OPCML: variants seen among roughly 807,000 people sequenced by gnomAD.
OPCML encodes the protein opioid-binding protein/cell adhesion molecule.
Under a neutral mutation model 37.8 loss-of-function variants are expected in OPCML, and 13 were observed. That is an observed-to-expected ratio of 0.34 (90% CI 0.22 to 0.55). The LOEUF (loss-of-function observed/expected upper bound fraction) is 0.55, where lower values mean the gene tolerates loss of function less well. OPCML is among the 20% of genes least tolerant of loss of function. The pLI is 0.91. For synonymous variants in OPCML, 176 were observed against 168.8 expected, an observed-to-expected ratio of 1.04 and a Z score of -0.33; for missense variants, 341 against 435.6, an observed-to-expected ratio of 0.78 and a Z score of 1.93.
rs560931117 is a variant in OPCML, at chr11:132,435,669, C to T, written c.916+417G>A. 2.8e-4 allele frequency among the ~76,000 whole-genome samples: 43 copies of T among 152,280 alleles called. No homozygotes were observed. The South Asian group carries it at 7.5e-3, about 26-fold the overall frequency. ...CCATTCTTCCCCATGGATGAGAATA[C>T]GAAATGCAAGCAACATGAGAATCAT... On this transcript the variant is annotated intron_variant, in intron 7 of 7. Transcript: ENST00000524381.
intron 4 of OPCML, among the ~76,000 whole-genome samples, chr11:132,478,946 T>A (rs1011213585): frequency 1.3e-5 from 2 of 152,152 alleles, no homozygotes; most frequent in African/African-American, 4.8e-5. Flanking sequence ...TGAACATGTA[T>A]CAAATGTTCA....
At chr11:133,005,429 T>C (rs1565393611) in intron 1 of OPCML, 1 of 985,274 alleles carries the variant, frequency 1.0e-6, no homozygotes, top group Non-Finnish European at 1.2e-6. Context: ...CATGTTCTCC[T>C]TTTCTACCCC....
At chr11:132,921,020 G>A (rs1373207250) in intron 2 of OPCML, among the ~76,000 whole-genome samples, 1 of 152,120 alleles carries the variant, frequency 6.6e-6, no homozygotes, top group African/African-American at 2.4e-5. Context: ...GATTCTCCCT[G>A]CAGTCTTCTA....
intron 2 of OPCML, among the ~76,000 whole-genome samples, chr11:132,719,316 G>T (rs188535875): frequency 1.3e-3 from 202 of 152,294 alleles, no homozygotes; most frequent in Non-Finnish European, 2.3e-3. Flanking sequence ...TCATATGTTT[G>T]GTTTTGGTTG....
intron 1 of OPCML, among the ~76,000 whole-genome samples, chr11:133,119,329 A>G (rs1949385689): frequency 6.6e-6 from 1 of 151,904 alleles, no homozygotes; most frequent in South Asian, 2.1e-4. Flanking sequence ...TAATATCTAT[A>G]TCTTTTCAAA....
chr11:133,159,948 G>C (rs1950119086), intron 1 of OPCML, among the ~76,000 whole-genome samples: 1 of 152,216 alleles, frequency 6.6e-6, no homozygotes, highest in East Asian at 1.9e-4. Context: ...GAATCAAAGA[G>C]AGGACTCAAA....
At chr11:133,202,766 G>A (rs760767026) in intron 1 of OPCML, among the ~76,000 whole-genome samples, 16 of 152,214 alleles carry the variant, frequency 1.1e-4, no homozygotes, top group Non-Finnish European at 1.8e-4. Flanking sequence ...CACCAGCCAA[G>A]GGATCCTGCC....
intron 1 of OPCML, among the ~76,000 whole-genome samples, chr11:133,425,390 A>G (rs963743602): frequency 6.6e-6 from 1 of 152,202 alleles, no homozygotes; most frequent in African/African-American, 2.4e-5. Flanking sequence ...TTGCAGGTTC[A>G]CTGCCCTTCC....
intron 4 of OPCML, among the ~76,000 whole-genome samples, chr11:132,444,228 C>T (rs142879668): frequency 6.6e-6 from 1 of 152,288 alleles, no homozygotes; most frequent in African/African-American, 2.4e-5. Context: ...TTCACCATGA[C>T]GTTGGTCACC....
intron 2 of OPCML, among the ~76,000 whole-genome samples, chr11:132,733,316 C>T (rs1591532221): frequency 1.3e-5 from 2 of 151,856 alleles, no homozygotes; most frequent in East Asian, 3.9e-4. Context: ...GGAGATAATT[C>T]ATATAGCAAT....
chr11:133,107,928 G>C (rs1334724767), intron 1 of OPCML, among the ~76,000 whole-genome samples: 1 of 152,208 alleles, frequency 6.6e-6, no homozygotes, highest in Non-Finnish European at 1.5e-5. Context: ...CACACATCTA[G>C]CTGAGACCAC....
At chr11:133,172,710 T>C (rs904797437) in intron 1 of OPCML, among the ~76,000 whole-genome samples, 2 of 152,218 alleles carry the variant, frequency 1.3e-5, no homozygotes, top group African/African-American at 4.8e-5. Flanking sequence ...TTTAATATTC[T>C]GATTTTGAAG....
intron 3 of OPCML, among the ~76,000 whole-genome samples, chr11:132,556,418 A>C (rs2096395803): frequency 6.6e-6 from 1 of 152,194 alleles, no homozygotes; most frequent in African/African-American, 2.4e-5. Context: ...TGGAATCATA[A>C]AATTTTAGAG....
At chr11:133,063,411 C>T (rs1055813014) in intron 1 of OPCML, among the ~76,000 whole-genome samples, 2 of 152,156 alleles carry the variant, frequency 1.3e-5, no homozygotes, top group African/African-American at 2.4e-5. Flanking sequence ...AGCCACATTT[C>T]GTGGGCTCTG....
chr11:133,091,987 T>C (rs149676120), intron 1 of OPCML, among the ~76,000 whole-genome samples: 3 of 152,308 alleles, frequency 2.0e-5, no homozygotes, highest in Non-Finnish European at 4.4e-5. Context: ...AGAAACTTAA[T>C]TTCCAATGTG....
chr11:132,778,957 A>ATTT (rs1555187726), intron 2 of OPCML, among the ~76,000 whole-genome samples: 3 of 107,562 alleles, frequency 2.8e-5, no homozygotes, highest in Non-Finnish European at 4.0e-5. Flanking sequence ...GAGGTGGTAT[A>ATTT]TTTCTTTTTT....
At chr11:133,139,950 G>C (rs979228836) in intron 1 of OPCML, among the ~76,000 whole-genome samples, 17 of 152,184 alleles carry the variant, frequency 1.1e-4, no homozygotes, top group African/African-American at 4.1e-4. Context: ...ACTTTGGGAG[G>C]CCAAGATGGG....
intron 2 of OPCML, among the ~76,000 whole-genome samples, chr11:132,733,975 C>T (rs1471857399): frequency 6.6e-6 from 1 of 151,988 alleles, no homozygotes; most frequent in African/African-American, 2.4e-5. Flanking sequence ...TCTTGCCATG[C>T]CTAGGTGTAT....
intron 1 of OPCML, among the ~76,000 whole-genome samples, chr11:133,102,488 C>A (rs1949097560): frequency 6.6e-6 from 1 of 152,152 alleles, no homozygotes; most frequent in African/African-American, 2.4e-5. Context: ...GTGGCTCATG[C>A]CTGTAATCGC....
Sources: gnomAD v4.1 joint callset for allele counts (sites outside exome capture counted in the v4.1 genomes callset) on GRCh38, gnomAD v4.1.1 for gene constraint, MANE v1.5 for transcripts, NCBI Gene and HGNC (gene_info 2026-07-23, HGNC 2026-07-21) for gene names.